Variants in IL31RA observed in about 807,000 individuals in gnomAD.
The protein encoded by IL31RA is interleukin-31 receptor subunit alpha.
Under a neutral mutation model 83.7 loss-of-function variants are expected in IL31RA, and 66 were observed. The observed-to-expected ratio is 0.79, with a 90% CI of 0.65 to 0.97. IL31RA has a LOEUF of 0.97. IL31RA is among the 50% of genes least tolerant of loss of function. The pLI is 0.00. For missense variants in IL31RA, 798 were observed against 919.4 expected (o/e 0.87, Z 1.71); for synonymous variants, 325 against 329.0 (o/e 0.99, Z 0.13).
At position 55,918,785 on chromosome 5, in the gene IL31RA, C is replaced by T. The variant is rs897913656; in HGVS notation, c.*1665C>T. ...AGCTCTGTCCTCCTAACATCTCCAG[C>T]GGCTGCAGCCACCCCCCCACCACCC... On this transcript the variant is annotated 3_prime_UTR_variant, in exon 15 of 15. Coordinates refer to ENST00000652347, the MANE Select transcript of IL31RA (RefSeq NM_139017.7). Among the ~76,000 whole-genome samples, 6 of 152,062 alleles carry T rather than the reference C, an allele frequency of 3.9e-5. No individual in the cohort carries two copies. Among genetic ancestry groups the T allele is most frequent in the African/African-American group, 7.2e-5 (3 of 41,396 alleles).
chr5:55,887,849 C>T (rs1747728067), intron 5 of IL31RA, among the ~76,000 whole-genome samples: 2 of 151,578 alleles, frequency 1.3e-5, no homozygotes, highest in African/African-American at 2.4e-5. Context: ...CGCCACCGTA[C>T]TCCAGCCTGG....
At position 55,867,120 on chromosome 5, in the gene IL31RA, TGTTTG is replaced by T. The variant is rs1483225048; in HGVS notation, c.155-1670_155-1666del. On this transcript the variant is annotated intron_variant, in intron 2 of 14. Transcript: ENST00000652347. ...GTGTTTGTGTGTGTGTGCATGTGTG[TGTTTG>T]TGTGTGTGTGCATGTGTGTGTGCAT... is the stretch of plus-strand genomic sequence containing the variant. 3.6e-3 allele frequency among the ~76,000 whole-genome samples: 490 copies of T among 135,028 alleles called. 51 individuals carry two copies. The highest frequency in any genetic ancestry group is 0.013 in the African/African-American group (473 of 37,690). 88.6% of individuals were successfully genotyped at this position (135,028 alleles called of 152,430 possible). A position where few individuals can be genotyped will look rare whatever the true frequency, so the allele number is the denominator to read the frequency against.
In IL31RA at chr5:55,883,169, T is replaced by C; in HGVS notation, c.580T>C (p.Phe194Leu). The C allele has an allele frequency of 6.2e-7, 1 of 1,614,036 alleles. No homozygotes were observed. The highest frequency in any genetic ancestry group is 8.5e-7 in the Non-Finnish European group (1 of 1,179,918). The change falls in exon 5 of 15, where the codon TTC becomes CTC. Residue 194 changes from phenylalanine to leucine, a missense_variant. Phe to Leu is a conservative substitution (Grantham distance 22). Transcript: ENST00000652347. Reference sequence around the variant, plus strand: ...ATCTGATTTAAAATACACACTTCGATTCAGGACAGTCAACAGTACCAGCTG... The same window carrying C: ...ATCTGATTTAAAATACACACTTCGACTCAGGACAGTCAACAGTACCAGCTG... The part of the protein sequence containing the change: ...VSSDLKYTLR[F>L]RTVNSTSWME...
intron 1 of IL31RA, among the ~76,000 whole-genome samples, 167 bp from the exon 2 acceptor site, chr5:55,859,342 T>G (rs985746759): frequency 3.4e-4 from 51 of 152,226 alleles, no homozygotes; most frequent in Non-Finnish European, 1.6e-4. Flanking sequence ...AAATGTTGAC[T>G]GGGGTTGATG....
At chr5:55,851,888 C>G (rs1745091858) in intron 1 of IL31RA, among the ~76,000 whole-genome samples, 1 of 152,166 alleles carries the variant, frequency 6.6e-6, no homozygotes, top group African/African-American at 2.4e-5. Context: ...TTGTTGACAT[C>G]TCTTATTTGC....
At position 55,910,639 on chromosome 5, in the gene IL31RA, G is replaced by A. The variant is rs771263167; in HGVS notation, c.1609G>A (p.Gly537Arg). Residue 537 changes from glycine to arginine, a missense_variant, in exon 12 of 15, where the codon GGG becomes AGG. Physicochemically the swap from Gly to Arg is moderately radical, Grantham distance 125. Transcript: ENST00000652347. ...MASTSAGGTN[G>R]TSINFKTLSF... ...CAGCACCAGTGCTGGGGGAACCAAC[G>A]GGACCAGCATAAATTTCAAGACATT... is the stretch of plus-strand genomic sequence containing the variant. 3.5e-5 allele frequency: 56 copies of A among 1,613,996 alleles called. No homozygotes were observed. The highest frequency in any genetic ancestry group is 4.5e-5 in the Non-Finnish European group (53 of 1,179,982).
chr5:55,862,785 C>T (rs753719627), intron 2 of IL31RA, among the ~76,000 whole-genome samples: 11 of 152,198 alleles, frequency 7.2e-5, no homozygotes, highest in South Asian at 4.2e-4. Flanking sequence ...TGGTCTCTGC[C>T]GGTCTGTTAC....
chr5:55,898,499 G>T (rs1005729679), intron 7 of IL31RA, among the ~76,000 whole-genome samples: 1 of 151,654 alleles, frequency 6.6e-6, no homozygotes, highest in South Asian at 2.1e-4. Context: ...AATGTGAATT[G>T]TATCTCAATT....
intron 2 of IL31RA, 33 bp from the exon 3 acceptor site, chr5:55,868,758 G>C (rs766150314): frequency 1.8e-6 from 2 of 1,142,234 alleles, no homozygotes; most frequent in Non-Finnish European, 2.7e-6. Flanking sequence ...TGAAATTTTT[G>C]TGTTTGTGTG....
At chr5:55,858,751 T>G (rs1305816426) in intron 1 of IL31RA, among the ~76,000 whole-genome samples, 1 of 152,200 alleles carries the variant, frequency 6.6e-6, no homozygotes, top group Non-Finnish European at 1.5e-5. Context: ...TTAGATGAGA[T>G]GAAGAGCCAG....
At chr5:55,874,521 A>G (rs567626284) in intron 4 of IL31RA, among the ~76,000 whole-genome samples, 44 of 152,190 alleles carry the variant, frequency 2.9e-4, no homozygotes, top group Admixed American at 2.7e-3. Flanking sequence ...ATATCTTTCC[A>G]TTTATTTAGG....
intron 2 of IL31RA, among the ~76,000 whole-genome samples, chr5:55,862,434 C>T (rs1745743582): frequency 2.6e-5 from 4 of 152,144 alleles, no homozygotes; most frequent in Admixed American, 1.3e-4. Context: ...GACGGAGTCT[C>T]GCTCTGTCGC....
At chr5:55,846,457 T>C (rs1744929849), upstream of IL31RA, among the ~76,000 whole-genome samples, 1 of 152,228 alleles carries the variant, frequency 6.6e-6, no homozygotes, top group Admixed American at 6.5e-5. Context: ...TAATCTTGGC[T>C]CTGCTGCTAA....
At chr5:55,893,839 TCTCA>T (rs1748166874) in intron 6 of IL31RA, among the ~76,000 whole-genome samples, 1 of 132,168 alleles carries the variant, frequency 7.6e-6, no homozygotes, top group African/African-American at 3.0e-5. Flanking sequence ...TGAGACGGGG[TCTCA>T]CTCTGTCACC....
At chr5:55,911,045 G>C (rs1361454757) in intron 12 of IL31RA, among the ~76,000 whole-genome samples, 2 of 152,166 alleles carry the variant, frequency 1.3e-5, no homozygotes, top group African/African-American at 4.8e-5. Context: ...GTTACGGTAT[G>C]TATTAGTCTG....
chr5:55,912,755 C>T (rs763816186), intron 12 of IL31RA, among the ~76,000 whole-genome samples: 2 of 152,128 alleles, frequency 1.3e-5, no homozygotes, highest in African/African-American at 2.4e-5. Context: ...CAAGATGCAC[C>T]ACTGCACTCC....
intron 2 of IL31RA, among the ~76,000 whole-genome samples, chr5:55,860,211 A>G (rs1191252779): frequency 6.6e-6 from 1 of 152,150 alleles, no homozygotes; most frequent in Non-Finnish European, 1.5e-5. Flanking sequence ...TCTACTAAAA[A>G]TACAAAAATT....
chr5:55,867,189 TTGTG>T (rs745751125), intron 2 of IL31RA, among the ~76,000 whole-genome samples: 936 of 31,268 alleles, frequency 0.03, 33 homozygotes, highest in Non-Finnish European at 0.043. Context: ...GCATGTGTGT[TTGTG>T]TGTGTTTGTG....
rs1234412837 is a variant in IL31RA at position 55,921,151 on chromosome 5, T to C, written c.*4031T>C. On this transcript the variant is annotated 3_prime_UTR_variant, in exon 15 of 15. Transcript: ENST00000652347. ...GTGAGACTCCCCTCTAGGTGTCCCCTCTTTTTTCTAATTTAAAATTTGTTT... is the reference window on the plus strand; with the variant it reads ...GTGAGACTCCCCTCTAGGTGTCCCCCCTTTTTTCTAATTTAAAATTTGTTT... Among the ~76,000 whole-genome samples the C allele has an allele frequency of 2.6e-5, 4 of 152,224 alleles. No homozygotes were observed. Among genetic ancestry groups the C allele is most frequent in the African/African-American group, 7.2e-5 (3 of 41,460 alleles).
Sources: gnomAD v4.1 joint callset for allele counts (sites outside exome capture counted in the v4.1 genomes callset) on GRCh38, gnomAD v4.1.1 for gene constraint, MANE v1.5 for transcripts, NCBI Gene and HGNC (gene_info 2026-07-23, HGNC 2026-07-21) for gene names.